The following GALNT16 variants were observed in gnomAD, a reference collection of about 807,000 sequenced individuals.
GALNT16 encodes the protein polypeptide N-acetylgalactosaminyltransferase 16.
Under a neutral mutation model 76.1 loss-of-function variants are expected in GALNT16, and 40 were observed. The ratio of observed to expected loss-of-function variants is 0.53; its 90% CI spans 0.41 to 0.68. The LOEUF (loss-of-function observed/expected upper bound fraction) is 0.68. GALNT16 is among the 30% of genes least tolerant of loss of function. The probability of loss-of-function intolerance (pLI) is 0.00; values close to 1 mark genes in which losing one functional copy is unlikely to be tolerated. For missense variants in GALNT16, 621 were observed against 731.9 expected, an observed-to-expected ratio of 0.85 and a Z score of 1.75; for synonymous variants, 276 against 285.2, an observed-to-expected ratio of 0.97 and a Z score of 0.32.
chr14:69,339,255 G>A (rs907561551), intron 10 of GALNT16, among the ~76,000 whole-genome samples: 3 of 152,070 alleles, frequency 2.0e-5, no homozygotes, highest in East Asian at 1.9e-4. Context: ...GAGCACCCTC[G>A]TACATGTGGA....
chr14:69,315,541 C>T (rs1424741014), intron 1 of GALNT16, among the ~76,000 whole-genome samples: 1 of 152,222 alleles, frequency 6.6e-6, no homozygotes, highest in East Asian at 1.9e-4. Context: ...AGCCTGAACA[C>T]CGCCCTGCCT....
chr14:69,308,004 A>C (rs989422046), intron 1 of GALNT16, among the ~76,000 whole-genome samples: 6 of 151,618 alleles, frequency 4.0e-5, no homozygotes, highest in Non-Finnish European at 7.4e-5. Flanking sequence ...CTGCAAAAGC[A>C]CCTCCCACCC....
chr14:69,262,346 T>G (rs2044287355), intron 1 of GALNT16, among the ~76,000 whole-genome samples: 1 of 152,170 alleles, frequency 6.6e-6, no homozygotes, highest in Non-Finnish European at 1.5e-5. Flanking sequence ...TAAGATGCAC[T>G]GGGAGGGCCG....
intron 1 of GALNT16, among the ~76,000 whole-genome samples, chr14:69,262,962 C>T (rs1174428854): frequency 1.3e-5 from 2 of 151,638 alleles, no homozygotes; most frequent in South Asian, 2.1e-4. Flanking sequence ...TCACTGTAAC[C>T]TCCACCTCCC....
chr14:69,327,088 T>G (rs1309909181), intron 5 of GALNT16, among the ~76,000 whole-genome samples: 1 of 152,078 alleles, frequency 6.6e-6, no homozygotes, highest in Admixed American at 6.5e-5. Flanking sequence ...ATTGATATGT[T>G]TAAAATAATC....
intron 2 of GALNT16, among the ~76,000 whole-genome samples, chr14:69,322,928 GTGTGTGTGT>G (rs2045213206): frequency 9.2e-5 from 2 of 21,632 alleles, no homozygotes; most frequent in African/African-American, 8.1e-4. Flanking sequence ...CTCACGGGGT[GTGTGTGTGT>G]GTGTGTGTGT....
chr14:69,373,556 G>A, the GALNT16 span, among the ~76,000 whole-genome samples: 1 of 152,192 alleles, frequency 6.6e-6, no homozygotes, highest in African/African-American at 2.4e-5. Flanking sequence ...TGCTAGATAT[G>A]TTGACACAGG....
In GALNT16 at chr14:69,328,483, T is replaced by A; in HGVS notation, c.602T>A (p.Val201Glu). 6.2e-7 allele frequency: 1 copy of A among 1,614,028 alleles called. No homozygotes were observed. The highest frequency in any genetic ancestry group is 8.5e-7 in the Non-Finnish European group (1 of 1,179,972). ...CGGTCCCGAGTGCGTGGGGCGGACG[T>A]GGCTGCAGCTACCGTTCTCACCTTT... ...LIRSRVRGAD[V>E]AAATVLTFLD... The change falls in exon 6 of 15, where the codon GTG (valine) becomes GAG (glutamate). Residue 201 changes from valine (V) to glutamate (E), a missense_variant. Physicochemically the swap from Val to Glu is moderately radical, Grantham distance 121. Coordinates refer to ENST00000448469, the MANE Select transcript of GALNT16 (RefSeq NM_001168368.2).
At chr14:69,295,355 C>T (rs2044744731) in intron 1 of GALNT16, among the ~76,000 whole-genome samples, 1 of 146,170 alleles carries the variant, frequency 6.8e-6, no homozygotes, top group Non-Finnish European at 1.5e-5. Flanking sequence ...GTTGAGCCTG[C>T]AGTGAGCTGA....
At chr14:69,318,659 C>G (rs1003911733) in intron 1 of GALNT16, among the ~76,000 whole-genome samples, 2 of 152,148 alleles carry the variant, frequency 1.3e-5, no homozygotes, top group East Asian at 3.8e-4. Flanking sequence ...ACAGAGTGGC[C>G]GTAAGTCCTA....
chr14:69,285,323 C>T (rs1196288630), intron 1 of GALNT16, among the ~76,000 whole-genome samples: 4 of 152,110 alleles, frequency 2.6e-5, no homozygotes, highest in Non-Finnish European at 5.9e-5. Context: ...TGCACCCAGC[C>T]TGGGGCAGTT....
chr14:69,279,966 A>G (rs896062325), intron 1 of GALNT16, among the ~76,000 whole-genome samples: 1 of 152,258 alleles, frequency 6.6e-6, no homozygotes, highest in Non-Finnish European at 1.5e-5. Flanking sequence ...CATGTTCCCT[A>G]TGCAACAGAA....
intron 6 of GALNT16, among the ~76,000 whole-genome samples, chr14:69,329,096 C>G (rs1368836990): frequency 1.3e-5 from 2 of 152,092 alleles, no homozygotes; most frequent in Non-Finnish European, 2.9e-5. Context: ...GGTGGCTCAC[C>G]CCTGTAATCC....
At chr14:69,375,682 C>T in the GALNT16 span, among the ~76,000 whole-genome samples, 1 of 152,172 alleles carries the variant, frequency 6.6e-6, no homozygotes, top group South Asian at 2.1e-4. Context: ...CACTCTGTTA[C>T]CCATGCTGGA....
intron 14 of GALNT16, 199 bp from the exon 15 acceptor site, chr14:69,351,832 A>T: frequency 1.9e-6 from 1 of 519,648 alleles, no homozygotes; most frequent in South Asian, 2.6e-5. Context: ...GGATTGCTTG[A>T]ACTCAGGAGT....
Position 69,352,433 on chromosome 14 carries a change from T to C in GALNT16, c.*265T>C. The C allele has an allele frequency of 2.4e-6, 1 of 425,194 alleles. No individual in the cohort carries two copies. The highest frequency in any genetic ancestry group is 4.2e-6 in the Non-Finnish European group (1 of 238,548). The allele number at this position is 425,194 out of a possible 1,614,324, so 26.3% of individuals were successfully genotyped here. A position where few individuals can be genotyped will look rare whatever the true frequency, so the allele number is the denominator to read the frequency against. ...GGACTGTTGCTGGGTAGAGACTGAG[T>C]AGGTGCCCCTGGCCCTTTGTCCTCT... On this transcript the variant is annotated 3_prime_UTR_variant, in exon 15 of 15. Transcript: ENST00000448469.
chr14:69,328,390 G>A, intron 5 of GALNT16, 60 bp from the exon 6 acceptor site: 4 of 1,568,488 alleles, frequency 2.6e-6, no homozygotes, highest in Middle Eastern at 1.9e-4. Flanking sequence ...GACTTTGGGG[G>A]ACAGGTGGGA....
chr14:69,307,554 C>T (rs2044954030), intron 1 of GALNT16, among the ~76,000 whole-genome samples: 1 of 152,064 alleles, frequency 6.6e-6, no homozygotes, highest in South Asian at 2.1e-4. Flanking sequence ...TGCTTGACAC[C>T]CCAAGGCAGT....
downstream of GALNT16, chr14:69,358,846 G>A (rs981273395): frequency 2.0e-5 from 3 of 152,282 alleles, no homozygotes; most frequent in African/African-American, 4.8e-5. Flanking sequence ...GGCCAACCTC[G>A]GCTTCCACTC....
Sources: allele counts gnomAD v4.1 joint callset (sites outside exome capture counted in the v4.1 genomes callset), GRCh38; gene constraint gnomAD v4.1.1; transcripts MANE v1.5; gene names NCBI Gene and HGNC (gene_info 2026-07-23, HGNC 2026-07-21).